IQGAP2: variants seen among roughly 807,000 people sequenced by gnomAD.
IQGAP2 encodes ras GTPase-activating-like protein IQGAP2.
Under a neutral mutation model 201.3 loss-of-function variants are expected in IQGAP2, and 173 were observed. The observed-to-expected ratio is 0.86, with a 90% CI of 0.76 to 0.98. The LOEUF is 0.98. Ranked by LOEUF, IQGAP2 falls within the 50% of genes least tolerant of loss-of-function variation. IQGAP2 has a pLI of 0.00. For synonymous variants in IQGAP2, 675 were observed against 673.9 expected, an observed-to-expected ratio of 1.00 and a Z score of -0.03; for missense variants, 1,687 against 1,864.8, an observed-to-expected ratio of 0.90 and a Z score of 1.76.
intron 13 of IQGAP2, chr5:76,615,344 G>C (rs1748844492): frequency 6.6e-6 from 1 of 152,040 alleles, no homozygotes; most frequent in African/African-American, 2.4e-5. Flanking sequence ...ACTTACTTTA[G>C]GTTTGTTTTT....
At position 76,676,077 on chromosome 5, in the gene IQGAP2, TCACACACACA is replaced by T. The variant is rs34099080; in HGVS notation, c.3528-1104_3528-1095del. On this transcript the variant is annotated intron_variant, in intron 27 of 35. Coordinates refer to ENST00000274364, the MANE Select transcript of IQGAP2 (RefSeq NM_006633.5). Reference sequence around the variant, plus strand: ...GCCCAGGTGACAGGGTAAGACTCTGTCACACACACACACACACACACACACACACACACAC... The same window carrying T: ...GCCCAGGTGACAGGGTAAGACTCTGTCACACACACACACACACACACACAC... Among the ~76,000 whole-genome samples, 589 of 135,658 alleles carry T rather than the reference TCACACACACA, an allele frequency of 4.3e-3. 2 individuals are homozygous for T. Among genetic ancestry groups the T allele is most frequent in the South Asian group, 6.7e-3 (26 of 3,888 alleles). 89.0% of individuals were successfully genotyped at this position (135,658 alleles called of 152,430 possible).
intron 1 of IQGAP2, among the ~76,000 whole-genome samples, chr5:76,411,703 C>T (rs997761090): frequency 2.6e-5 from 4 of 152,186 alleles, no homozygotes; most frequent in Admixed American, 6.5e-5. Context: ...ACATCCTAGC[C>T]TCCAGAACTG....
rs145820960 is a variant in IQGAP2, at chr5:76,430,912, A to G, written c.46+27321A>G. 3.9e-5 allele frequency among the ~76,000 whole-genome samples: 6 copies of G among 152,346 alleles called. No homozygotes were observed. In the East Asian group the frequency reaches 1.2e-3, roughly 29 times the overall value. ...AGCAATTGGGGAGTAGTTCAAATAA[A>G]TTATAAATAAAATATTTATATTAGG... On this transcript the variant is annotated intron_variant, in intron 1 of 35. Transcript: ENST00000274364.
chr5:76,674,787 G>C, intron 27 of IQGAP2, 78 bp downstream of exon 27: 2 of 1,062,702 alleles, frequency 1.9e-6, no homozygotes, highest in Non-Finnish European at 2.9e-6. Context: ...CCCAGAGCTA[G>C]AGTGGGCATG....
intron 3 of IQGAP2, among the ~76,000 whole-genome samples, chr5:76,569,467 G>T (rs895778361): frequency 6.6e-6 from 1 of 151,952 alleles, no homozygotes; most frequent in South Asian, 2.1e-4. Flanking sequence ...TACCTTTCAG[G>T]GTGTTTTGAA....
In IQGAP2 at chr5:76,617,763, G is replaced by A. The variant is rs765779441; in HGVS notation, c.1521+6580G>A. ...AATAATAAGAATAATATTGCTTGGA[G>A]CAAAGCAAATGGTAAAAATCACAAG... On this transcript the variant is annotated intron_variant, in intron 13 of 35. Transcript: ENST00000274364. 8 of 1,613,572 alleles carry A rather than the reference G, an allele frequency of 5.0e-6. No homozygotes were observed. In the African/African-American group the frequency reaches 8.0e-5, roughly 16 times the overall value.
chr5:76,427,848 G>T (rs1177507064), intron 1 of IQGAP2, among the ~76,000 whole-genome samples: 2 of 152,226 alleles, frequency 1.3e-5, no homozygotes, highest in Non-Finnish European at 1.5e-5. Flanking sequence ...CTGAGCGGGG[G>T]CAGCATAAGC....
intron 11 of IQGAP2, among the ~76,000 whole-genome samples, chr5:76,604,694 G>T (rs1414775520): frequency 6.6e-6 from 1 of 152,166 alleles, no homozygotes; most frequent in Non-Finnish European, 1.5e-5. Flanking sequence ...CTCCATCTGT[G>T]AGGGACACTA....
intron 13 of IQGAP2, among the ~76,000 whole-genome samples, chr5:76,612,205 G>A (rs964467138): frequency 4.6e-5 from 7 of 152,040 alleles, no homozygotes; most frequent in Non-Finnish European, 8.8e-5. Context: ...AAATGTGACC[G>A]GGCACAGTAG....
chr5:76,648,571 G>A (rs1190274249), intron 17 of IQGAP2, among the ~76,000 whole-genome samples: 2 of 151,358 alleles, frequency 1.3e-5, no homozygotes, highest in East Asian at 3.9e-4. Context: ...AGAAATGACG[G>A]ATGTTAGAAT....
intron 2 of IQGAP2, among the ~76,000 whole-genome samples, chr5:76,549,317 T>C (rs529023207): frequency 1.2e-3 from 142 of 116,514 alleles, no homozygotes; most frequent in African/African-American, 5.3e-3. Flanking sequence ...CGTCGAGCTC[T>C]GGAGTGTGTG....
chr5:76,667,343 A>G (rs1044898476), intron 22 of IQGAP2, among the ~76,000 whole-genome samples: 2 of 152,244 alleles, frequency 1.3e-5, no homozygotes, highest in Admixed American at 6.5e-5. Flanking sequence ...ACCAGAATTT[A>G]AGGCTTCTTA....
intron 2 of IQGAP2, among the ~76,000 whole-genome samples, chr5:76,544,746 A>G (rs1045443944): frequency 2.0e-5 from 3 of 152,118 alleles, no homozygotes; most frequent in Non-Finnish European, 4.4e-5. Flanking sequence ...AAAGGAGGGG[A>G]CAGTGAAAAT....
chr5:76,456,498 T>C (rs556110723), intron 1 of IQGAP2, among the ~76,000 whole-genome samples: 1 of 152,312 alleles, frequency 6.6e-6, no homozygotes, highest in Non-Finnish European at 1.5e-5. Flanking sequence ...TCTTGGACTT[T>C]AGGTTCTCTC....
At chr5:76,540,716 T>C (rs1742707617) in intron 2 of IQGAP2, among the ~76,000 whole-genome samples, 1 of 152,196 alleles carries the variant, frequency 6.6e-6, no homozygotes, top group South Asian at 2.1e-4. Context: ...AGATGTTCCC[T>C]CCTCCAGGCA....
chr5:76,516,827 A>G (rs1758361093), intron 2 of IQGAP2, among the ~76,000 whole-genome samples: 1 of 152,232 alleles, frequency 6.6e-6, no homozygotes, highest in African/African-American at 2.4e-5. Context: ...TCCCTTTTGC[A>G]TGTCTGCTTG....
intron 1 of IQGAP2, among the ~76,000 whole-genome samples, chr5:76,437,954 T>C (rs1001105867): frequency 6.6e-6 from 1 of 150,512 alleles, no homozygotes; most frequent in Non-Finnish European, 1.5e-5. Context: ...TTTGGTTTGC[T>C]AGTATTTTGT....
At chr5:76,506,984 C>T (rs1580343724) in intron 2 of IQGAP2, among the ~76,000 whole-genome samples, 1 of 152,196 alleles carries the variant, frequency 6.6e-6, no homozygotes, top group African/African-American at 2.4e-5. Context: ...ATCAAAATCC[C>T]AGCAAATAAC....
At chr5:76,470,545 G>A (rs1416591015) in intron 2 of IQGAP2, among the ~76,000 whole-genome samples, 1 of 152,116 alleles carries the variant, frequency 6.6e-6, no homozygotes, top group Non-Finnish European at 1.5e-5. Flanking sequence ...ACGGTTCTAA[G>A]CTTACTGCTG....
Sources: allele counts gnomAD v4.1 joint callset (sites outside exome capture counted in the v4.1 genomes callset), GRCh38; gene constraint gnomAD v4.1.1; transcripts MANE v1.5; gene names NCBI Gene and HGNC (gene_info 2026-07-23, HGNC 2026-07-21).